Variants in NDUFA5 observed in about 807,000 individuals in gnomAD.
NDUFA5 encodes the protein NADH:ubiquinone oxidoreductase subunit A5, also known as NADH dehydrogenase [ubiquinone] 1 alpha subcomplex subunit 5.
Under a neutral mutation model 19.8 loss-of-function variants are expected in NDUFA5, and 11 were observed. The observed-to-expected ratio is 0.56, with a 90% CI of 0.35 to 0.92. The LOEUF (loss-of-function observed/expected upper bound fraction) is 0.92, where lower values mean the gene tolerates loss of function less well. Among genes scored for constraint, NDUFA5 ranks in the 40% least tolerant of loss-of-function variants. NDUFA5 has a pLI of 0.01. For synonymous variants in NDUFA5, 47 were observed against 46.8 expected (o/e 1.00, Z -0.01); for missense variants, 109 against 134.2 (o/e 0.81, Z 0.93).
intron 2 of NDUFA5, 176 bp downstream of exon 2, chr7:123,557,228 A>C: frequency 1.1e-6 from 1 of 889,288 alleles, no homozygotes; most frequent in Non-Finnish European, 1.8e-6. Flanking sequence ...AAAATAAATA[A>C]AAATGTGACA....
At chr7:123,572,276 G>A in the NDUFA5 span, among the ~76,000 whole-genome samples, 1 of 151,144 alleles carries the variant, frequency 6.6e-6, no homozygotes, top group African/African-American at 2.4e-5. Flanking sequence ...TACGTAGCTG[G>A]GACTGTAGGC....
At chr7:123,593,367 C>T in the NDUFA5 span, among the ~76,000 whole-genome samples, 3 of 152,134 alleles carry the variant, frequency 2.0e-5, no homozygotes, top group Middle Eastern at 3.4e-3. Flanking sequence ...TTCACAGCCT[C>T]GATGGTCTTT....
At chr7:123,566,821 C>T in the NDUFA5 span, among the ~76,000 whole-genome samples, 2 of 152,120 alleles carry the variant, frequency 1.3e-5, no homozygotes, top group South Asian at 4.1e-4. Context: ...TGGATTTGGC[C>T]GAAATGACCT....
At chr7:123,585,798 T>C in the NDUFA5 span, among the ~76,000 whole-genome samples, 1 of 151,842 alleles carries the variant, frequency 6.6e-6, no homozygotes, top group Admixed American at 6.6e-5. Context: ...TCAACGTTTT[T>C]AGATTCCACA....
upstream of NDUFA5, among the ~76,000 whole-genome samples, chr7:123,559,592 C>T (rs959881178): frequency 1.3e-5 from 2 of 152,102 alleles, no homozygotes; most frequent in African/African-American, 4.8e-5. Context: ...CCTGGTGGCT[C>T]ATGCCTGTAA....
intron 3 of NDUFA5, chr7:123,545,961 C>T: frequency 3.8e-6 from 1 of 266,230 alleles, no homozygotes; most frequent in Non-Finnish European, 7.0e-6. Flanking sequence ...TATGACTTTG[C>T]TTTCTTAATA....
chr7:123,585,620 TTACA>T, the NDUFA5 span, among the ~76,000 whole-genome samples: 4 of 148,156 alleles, frequency 2.7e-5, no homozygotes, highest in Non-Finnish European at 6.0e-5. Flanking sequence ...ATCCATCACC[TTACA>T]TAGTTACTAT....
chr7:123,598,658 C>A, the NDUFA5 span: 1 of 152,158 alleles, frequency 6.6e-6, no homozygotes, highest in Admixed American at 6.5e-5. Flanking sequence ...TTGATGAGTG[C>A]CAAAAACTTT....
At chr7:123,559,875 A>G (rs1798667218), upstream of NDUFA5, among the ~76,000 whole-genome samples, 2 of 149,720 alleles carry the variant, frequency 1.3e-5, no homozygotes, top group Non-Finnish European at 3.0e-5. Flanking sequence ...AAAAAAAAAA[A>G]GGAAAGAAAA....
At chr7:123,580,830 A>G in the NDUFA5 span, among the ~76,000 whole-genome samples, 2 of 152,006 alleles carry the variant, frequency 1.3e-5, no homozygotes, top group Admixed American at 6.6e-5. Context: ...AAACATAGCC[A>G]TCATTATAAT....
At chr7:123,587,242 T>G in the NDUFA5 span, among the ~76,000 whole-genome samples, 2 of 151,690 alleles carry the variant, frequency 1.3e-5, no homozygotes, top group Admixed American at 6.6e-5. Flanking sequence ...TTTTATGTTT[T>G]TCAGTGTACT....
the NDUFA5 span, among the ~76,000 whole-genome samples, chr7:123,565,603 G>A: frequency 6.6e-5 from 10 of 152,278 alleles, no homozygotes; most frequent in Admixed American, 3.3e-4. Context: ...CCTTCAGGCC[G>A]GGTGCGGTGG....
At chr7:123,593,899 G>A in the NDUFA5 span, among the ~76,000 whole-genome samples, 44,748 of 151,964 alleles carry the variant, frequency 0.29, 6,731 homozygotes, top group East Asian at 0.4. Context: ...AATTCTCCCC[G>A]TCACTTTCAG....
chr7:123,571,704 CAA>C, the NDUFA5 span, among the ~76,000 whole-genome samples: 6 of 152,100 alleles, frequency 3.9e-5, no homozygotes, highest in Non-Finnish European at 8.8e-5. Flanking sequence ...GTTGTTTCAC[CAA>C]ATTCACACCA....
chr7:123,599,731 T>C, the NDUFA5 span, among the ~76,000 whole-genome samples: 19 of 152,210 alleles, frequency 1.2e-4, no homozygotes, highest in Admixed American at 6.5e-4. Flanking sequence ...GTTGCTATAA[T>C]TATCATTTTG....
chr7:123,588,594 T>C, the NDUFA5 span, among the ~76,000 whole-genome samples: 1 of 150,986 alleles, frequency 6.6e-6, no homozygotes. Context: ...TTCCTTCCTT[T>C]CTGTCTTTTT....
the NDUFA5 span, among the ~76,000 whole-genome samples, chr7:123,598,090 C>T: frequency 5.6e-3 from 855 of 152,104 alleles, 25 homozygotes; most frequent in Admixed American, 0.037. Flanking sequence ...CCCAGAAGTG[C>T]CTAGCCTCAC....
the NDUFA5 span, among the ~76,000 whole-genome samples, chr7:123,576,229 C>G: frequency 5.2e-4 from 78 of 150,848 alleles, no homozygotes; most frequent in African/African-American, 1.7e-3. Context: ...TTATTTTCTT[C>G]TTTTCTGAGT....
intron 3 of NDUFA5, among the ~76,000 whole-genome samples, chr7:123,546,147 T>G (rs1021791905): frequency 1.3e-5 from 2 of 152,112 alleles, no homozygotes; most frequent in African/African-American, 4.8e-5. Context: ...ATAACCCAAA[T>G]GATCATCTGT....
Sources: allele counts gnomAD v4.1 joint callset (sites outside exome capture counted in the v4.1 genomes callset), GRCh38; gene constraint gnomAD v4.1.1; transcripts MANE v1.5; gene names NCBI Gene and HGNC (gene_info 2026-07-23, HGNC 2026-07-21).